Variants in MCHR2 observed in about 807,000 individuals in gnomAD.
The protein encoded by MCHR2 is melanin-concentrating hormone receptor 2.
MCHR2 carries 15 observed loss-of-function variants against 24.8 expected under a neutral mutation model. That is an observed-to-expected ratio of 0.60 (90% confidence interval 0.40 to 0.93). The LOEUF (loss-of-function observed/expected upper bound fraction) is 0.93. Among genes scored for constraint, MCHR2 ranks in the 40% least tolerant of loss-of-function variants. The pLI is 0.00. For synonymous variants in MCHR2, 151 were observed against 147.6 expected (o/e 1.02, Z -0.17); for missense variants, 386 against 408.7 (o/e 0.94, Z 0.48).
At chr6:99,967,516 T>A (rs1775316008) in intron 1 of MCHR2, among the ~76,000 whole-genome samples, 1 of 152,192 alleles carries the variant, frequency 6.6e-6, no homozygotes, top group Non-Finnish European at 1.5e-5. Context: ...CTAAAATAAT[T>A]ATCTTCAACT....
rs928782847 is a variant in MCHR2, at chr6:99,937,228, G to A, written c.588-2711C>T. ...TCTCTTGCCTAATTGCTCTGGCTAG[G>A]ATTTCTGATATTACATTGAATAAAA... On this transcript the variant is annotated intron_variant, in intron 4 of 5. Transcript: ENST00000281806. Among the ~76,000 whole-genome samples the A allele has an allele frequency of 5.1e-4, 78 of 151,780 alleles. 1 individual carries two copies. The highest frequency in any genetic ancestry group is 1.8e-3 in the African/African-American group (74 of 41,372).
chr6:99,977,090 C>T (rs1009043957), intron 1 of MCHR2, among the ~76,000 whole-genome samples: 1 of 152,104 alleles, frequency 6.6e-6, no homozygotes. Flanking sequence ...TTGATAAGCA[C>T]CTGGGGTCTG....
rs746442636 is a variant in MCHR2 at position 99,920,568 on chromosome 6, A to T, written c.*372T>A. 1 of 195,646 alleles carries T rather than the reference A, an allele frequency of 5.1e-6. No individual in the cohort carries two copies. The highest frequency in any genetic ancestry group is 1.1e-5 in the Non-Finnish European group (1 of 93,994). 12.1% of individuals were successfully genotyped at this position (195,646 alleles called of 1,614,324 possible). A position where few individuals can be genotyped will look rare whatever the true frequency, so the allele number is the denominator to read the frequency against. On this transcript the variant is annotated 3_prime_UTR_variant, in exon 6 of 6. Transcript: ENST00000281806. ...TGATACCCTCCTAGGAACCTTGAGG[A>T]AACTGTTACAGTGAGGCCACAGTGT...
intron 1 of MCHR2, among the ~76,000 whole-genome samples, chr6:99,969,692 A>G (rs1261112792): frequency 2.1e-5 from 3 of 141,738 alleles, no homozygotes; most frequent in Non-Finnish European, 3.1e-5. Context: ...AGCATTAGGT[A>G]TATCTCCTAT....
chr6:99,935,374 ACCTTT>A (rs1489575138), intron 4 of MCHR2, among the ~76,000 whole-genome samples: 1 of 151,918 alleles, frequency 6.6e-6, no homozygotes, highest in Admixed American at 6.6e-5. Context: ...CACTTCCTCT[ACCTTT>A]CCTGGCCTCT....
chr6:99,955,364 A>T (rs1228628164), intron 2 of MCHR2, among the ~76,000 whole-genome samples: 1 of 152,144 alleles, frequency 6.6e-6, no homozygotes, highest in Admixed American at 6.5e-5. Flanking sequence ...TGTGGTGCCC[A>T]TGCAGGAGGT....
chr6:99,931,188 C>T (rs1035719633), intron 5 of MCHR2, among the ~76,000 whole-genome samples: 1 of 152,154 alleles, frequency 6.6e-6, no homozygotes, highest in African/African-American at 2.4e-5. Context: ...TCTGATTGTT[C>T]CCCTGGAAGT....
chr6:99,988,911 A>G (rs924592315), intron 1 of MCHR2, among the ~76,000 whole-genome samples: 35 of 152,152 alleles, frequency 2.3e-4, no homozygotes, highest in African/African-American at 8.4e-4. Context: ...ATCAGGTAGT[A>G]TTTATTTATG....
At chr6:99,929,087 C>T (rs1465675922) in intron 5 of MCHR2, among the ~76,000 whole-genome samples, 7 of 152,098 alleles carry the variant, frequency 4.6e-5, no homozygotes, top group South Asian at 2.1e-4. Flanking sequence ...GCCTTCATTT[C>T]GTTATATACC....
At chr6:99,947,661 T>C in intron 3 of MCHR2, 101 bp downstream of exon 3, 1 of 1,131,026 alleles carries the variant, frequency 8.8e-7, no homozygotes, top group East Asian at 2.4e-5. Flanking sequence ...GAAGAAAACC[T>C]CTGCTGTTAT....
At chr6:99,978,420 GTTTTTTTT>G (rs3996890) in intron 1 of MCHR2, among the ~76,000 whole-genome samples, 1 of 104,194 alleles carries the variant, frequency 9.6e-6, no homozygotes, top group African/African-American at 3.8e-5. Context: ...GGTCAAGACA[GTTTTTTTT>G]TTTTTTTTTT....
chr6:99,930,857 A>C (rs1330678374), intron 5 of MCHR2, among the ~76,000 whole-genome samples: 1 of 152,188 alleles, frequency 6.6e-6, no homozygotes, highest in Non-Finnish European at 1.5e-5. Context: ...GTCATTCTCC[A>C]TCCAGCTTTG....
chr6:99,952,014 T>C (rs1477278657), intron 2 of MCHR2, among the ~76,000 whole-genome samples: 1 of 152,066 alleles, frequency 6.6e-6, no homozygotes, highest in Non-Finnish European at 1.5e-5. Flanking sequence ...AGAAGAAAGA[T>C]GTGTTCAGAA....
intron 1 of MCHR2, among the ~76,000 whole-genome samples, chr6:99,958,719 A>C (rs983782170): frequency 6.6e-6 from 1 of 152,322 alleles, no homozygotes; most frequent in Admixed American, 6.5e-5. Flanking sequence ...GCTACATCAA[A>C]GCCAATAGAA....
intron 5 of MCHR2, among the ~76,000 whole-genome samples, chr6:99,929,663 C>A (rs1196681974): frequency 6.6e-6 from 1 of 151,956 alleles, no homozygotes; most frequent in Non-Finnish European, 1.5e-5. Context: ...ATTGCAACCC[C>A]TGCCTTTTTT....
chr6:99,992,030 G>T (rs1427093556), intron 1 of MCHR2, among the ~76,000 whole-genome samples: 1 of 152,220 alleles, frequency 6.6e-6, no homozygotes, highest in African/African-American at 2.4e-5. Flanking sequence ...AGGGATTGGA[G>T]ATGAGTAAAT....
intron 5 of MCHR2, among the ~76,000 whole-genome samples, chr6:99,923,307 T>C (rs1028321548): frequency 1.3e-5 from 2 of 152,168 alleles, no homozygotes; most frequent in Non-Finnish European, 2.9e-5. Flanking sequence ...CTTTAGAGTT[T>C]TCCAAATATA....
intron 4 of MCHR2, among the ~76,000 whole-genome samples, chr6:99,935,157 A>G (rs954880517): frequency 6.6e-6 from 1 of 152,046 alleles, no homozygotes; most frequent in East Asian, 1.9e-4. Context: ...TAAAAATCAA[A>G]TCAGTGTACT....
Position 99,984,636 on chromosome 6 carries a change from G to T in MCHR2, c.-28+9300C>A, listed in dbSNP as rs369192449. ...TCCGTAAAATCTAGCATCCCTTCAT[G>T]ATAAAAAACCTCAAAAAACTAGGCC... On this transcript the variant is annotated intron_variant, in intron 1 of 5. Coordinates refer to ENST00000281806, the MANE Select transcript of MCHR2 (RefSeq NM_001040179.2). Among the ~76,000 whole-genome samples the T allele has an allele frequency of 7.9e-5, 12 of 151,938 alleles. No homozygotes were observed. In the South Asian group the frequency reaches 1.3e-3, roughly 16 times the overall value.
Sources: allele counts gnomAD v4.1 joint callset (sites outside exome capture counted in the v4.1 genomes callset), GRCh38; gene constraint gnomAD v4.1.1; transcripts MANE v1.5; gene names NCBI Gene and HGNC (gene_info 2026-07-23, HGNC 2026-07-21).